UTRN: variants seen among roughly 807,000 people sequenced by gnomAD.
UTRN encodes utrophin, also known as dystrophin-related protein 1.
A neutral mutation model predicts 463.9 loss-of-function variants in UTRN; 283 were observed. That is an observed-to-expected ratio of 0.61 (90% CI 0.55 to 0.67). The LOEUF is 0.67. Among genes scored for constraint, UTRN ranks in the 30% least tolerant of loss-of-function variants. UTRN has a pLI of 0.00. For synonymous variants in UTRN, 1,442 were observed against 1,431.5 expected (o/e 1.01, Z -0.17); for missense variants, 3,922 against 4,084.3 (o/e 0.96, Z 1.08).
intron 23 of UTRN, 78 bp from the exon 24 acceptor site, chr6:144,473,642 C>A: frequency 9.5e-7 from 1 of 1,055,030 alleles, no homozygotes. Context: ...TTCCTTTGTT[C>A]CAGTGGCGGT....
intron 51 of UTRN, among the ~76,000 whole-genome samples, chr6:144,661,330 G>T (rs536784201): frequency 5.6e-4 from 85 of 152,280 alleles, no homozygotes; most frequent in Admixed American, 2.0e-3. Flanking sequence ...GCCTTTTGAT[G>T]ATAGGAACGT....
At chr6:144,697,027 A>G (rs1784082691) in intron 52 of UTRN, among the ~76,000 whole-genome samples, 1 of 152,130 alleles carries the variant, frequency 6.6e-6, no homozygotes, top group African/African-American at 2.4e-5. Flanking sequence ...TTACCTTCTA[A>G]CATGTTTTTG....
At chr6:144,834,468 C>T (rs1250262860) in intron 69 of UTRN, among the ~76,000 whole-genome samples, 1 of 152,210 alleles carries the variant, frequency 6.6e-6, no homozygotes, top group Non-Finnish European at 1.5e-5. Context: ...TCATCTAGCT[C>T]TCTGATCTCA....
intron 41 of UTRN, among the ~76,000 whole-genome samples, chr6:144,526,868 CT>C (rs1216984874): frequency 6.6e-6 from 1 of 151,776 alleles, no homozygotes; most frequent in East Asian, 1.9e-4. Flanking sequence ...ATGATCTCGG[CT>C]TACTGCAACC....
At chr6:144,593,406 T>A (rs1343028883) in intron 51 of UTRN, among the ~76,000 whole-genome samples, 1 of 152,100 alleles carries the variant, frequency 6.6e-6, no homozygotes, top group Admixed American at 6.6e-5. Flanking sequence ...CAACACCCTA[T>A]ATGAAAGAAG....
At chr6:144,540,309 C>T (rs184363878) in intron 45 of UTRN, among the ~76,000 whole-genome samples, 3 of 152,042 alleles carry the variant, frequency 2.0e-5, no homozygotes, top group Admixed American at 1.3e-4. Flanking sequence ...CAGAGTATGA[C>T]GTCTGTATAG....
intron 52 of UTRN, among the ~76,000 whole-genome samples, chr6:144,690,321 G>A (rs995953218): frequency 6.6e-6 from 1 of 151,456 alleles, no homozygotes; most frequent in Non-Finnish European, 1.5e-5. Flanking sequence ...CAAATGAGGG[G>A]GGTGTAGCCA....
chr6:144,548,827 G>C lies in UTRN; in HGVS notation c.6783G>C (p.Glu2261Asp), dbSNP rs1316742053. The C allele has an allele frequency of 1.2e-6, 2 of 1,613,866 alleles. No homozygotes were observed. The highest frequency in any genetic ancestry group is 2.7e-5 in the African/African-American group (2 of 74,932). ...SNIVTVGDVE[E>D]INKTVSRMKI... The stretch of plus-strand genomic sequence containing the variant: ...TTGTCACTGTTGGGGATGTAGAAGA[G>C]ATCAATAAGACCGTTTCCCGAATGA... Residue 2261 changes from glutamate to aspartate, a missense_variant, in exon 47 of 75, where the codon GAG (glutamate) becomes GAC (aspartate). Physicochemically the swap from Glu to Asp is conservative, Grantham distance 45. Transcript: ENST00000367545.
chr6:144,600,822 G>C (rs1435386939), intron 51 of UTRN, among the ~76,000 whole-genome samples: 2 of 152,228 alleles, frequency 1.3e-5, no homozygotes, highest in Non-Finnish European at 2.9e-5. Context: ...CATAGCTAGA[G>C]AGGAGAAGTC....
intron 53 of UTRN, among the ~76,000 whole-genome samples, chr6:144,715,759 T>C (rs1348017260): frequency 1.3e-5 from 2 of 148,498 alleles, no homozygotes; most frequent in African/African-American, 2.5e-5. Context: ...CACAATGACT[T>C]ATTTTCTATG....
Position 144,482,405 on chromosome 6 carries a change from A to ATT in UTRN, c.3687+18_3687+19dup. The ATT allele has an allele frequency of 1.7e-6, 2 of 1,206,678 alleles. No homozygotes were observed. The highest frequency in any genetic ancestry group is 3.6e-5 in the African/African-American group (2 of 55,396). 74.7% of individuals were successfully genotyped at this position (1,206,678 alleles called of 1,614,324 possible). A position where few individuals can be genotyped will look rare whatever the true frequency, so the allele number is the denominator to read the frequency against. ...ACGCTAGAGGTATGCTATTATTATT[A>ATT]TTGTTGTTATTATTATTATTATTAT... On this transcript the variant is annotated intron_variant, in intron 27 of 74. Coordinates refer to ENST00000367545, the MANE Select transcript of UTRN (RefSeq NM_007124.3).
intron 51 of UTRN, among the ~76,000 whole-genome samples, chr6:144,601,542 G>C (rs987938843): frequency 2.0e-5 from 3 of 152,140 alleles, no homozygotes; most frequent in African/African-American, 7.2e-5. Flanking sequence ...CTGCAATCTC[G>C]TGGTAAAACT....
At chr6:144,807,240 A>G (rs1778229550) in intron 65 of UTRN, among the ~76,000 whole-genome samples, 1 of 152,152 alleles carries the variant, frequency 6.6e-6, no homozygotes, top group Non-Finnish European at 1.5e-5. Flanking sequence ...TCTGCAATTT[A>G]GAAACCTTAT....
In UTRN at chr6:144,835,934, C is replaced by T; in HGVS notation, c.9820C>T (p.Gln3274Ter). 6.2e-7 allele frequency: 1 copy of T among 1,613,944 alleles called. No homozygotes were observed. Among genetic ancestry groups the T allele is most frequent in the East Asian group, 2.2e-5 (1 of 44,856 alleles). Residue 3274 changes from glutamine to a stop codon, truncating the protein, a stop_gained, in exon 70 of 75, where the codon CAA (glutamine) becomes TAA (stop). Coordinates refer to ENST00000367545, the MANE Select transcript of UTRN (RefSeq NM_007124.3). LOFTEE classifies it high-confidence loss of function. ...GATCATTGCTGACCTGGAGGAAGAACAAAGGTGTGCTAGGCCTGGGAGAAG... is the reference window on the plus strand; with the variant it reads ...GATCATTGCTGACCTGGAGGAAGAATAAAGGTGTGCTAGGCCTGGGAGAAG... ...ERIIADLEEE[Q>*]RNLQVEYEQL...
chr6:144,608,095 T>C (rs1238811680), intron 51 of UTRN, among the ~76,000 whole-genome samples: 1 of 152,200 alleles, frequency 6.6e-6, no homozygotes, highest in Non-Finnish European at 1.5e-5. Context: ...AGATGTTTTA[T>C]GCAGTTATTT....
chr6:144,584,902 G>A (rs1802313243), intron 51 of UTRN, among the ~76,000 whole-genome samples: 1 of 151,974 alleles, frequency 6.6e-6, no homozygotes. Flanking sequence ...TTCATGAAAA[G>A]GCAATTTTGA....
chr6:144,734,098 T>G (rs991693140), intron 54 of UTRN, among the ~76,000 whole-genome samples: 5 of 152,174 alleles, frequency 3.3e-5, no homozygotes, highest in Non-Finnish European at 7.4e-5. Flanking sequence ...AGCTAGATGC[T>G]TAACAATGAT....
intron 3 of UTRN, among the ~76,000 whole-genome samples, chr6:144,417,664 TG>T (rs1237555040): frequency 6.6e-6 from 1 of 152,216 alleles, no homozygotes; most frequent in Non-Finnish European, 1.5e-5. Flanking sequence ...AGTAATATTT[TG>T]TGACATGTGG....
At chr6:144,652,365 C>T (rs1001988023) in intron 51 of UTRN, among the ~76,000 whole-genome samples, 2 of 152,136 alleles carry the variant, frequency 1.3e-5, no homozygotes, top group African/African-American at 4.8e-5. Context: ...AAAGACCTGC[C>T]CTCACGATTA....
Sources: gnomAD v4.1 joint callset for allele counts (sites outside exome capture counted in the v4.1 genomes callset) on GRCh38, gnomAD v4.1.1 for gene constraint, MANE v1.5 for transcripts, NCBI Gene and HGNC (gene_info 2026-07-23, HGNC 2026-07-21) for gene names.